DRC4: variants seen among roughly 807,000 people sequenced by gnomAD.
The protein encoded by DRC4 is GAS-11.
At chr16:90,041,068 C>T in the DRC4 span, among the ~76,000 whole-genome samples, 3 of 152,148 alleles carry the variant, frequency 2.0e-5, no homozygotes, top group Non-Finnish European at 4.4e-5. Flanking sequence ...GTGAGGGTCC[C>T]ACTGTTGGGA....
At chr16:90,041,851 T>C in the DRC4 span, among the ~76,000 whole-genome samples, 6 of 152,076 alleles carry the variant, frequency 3.9e-5, no homozygotes, top group Non-Finnish European at 8.8e-5. Context: ...TTAAGCAATA[T>C]GTAGGTGGTG....
At chr16:90,037,791 G>A in the DRC4 span, 2 of 1,614,078 alleles carry the variant, frequency 1.2e-6, no homozygotes, top group East Asian at 2.2e-5. Flanking sequence ...AAGTCAGGGA[G>A]AAAGAGCTGA....
At chr16:90,020,171 A>AT in the DRC4 span, 1 of 522,622 alleles carries the variant, frequency 1.9e-6, no homozygotes, top group African/African-American at 2.0e-5. Flanking sequence ...GTACTTCAAT[A>AT]TTTATCTCTC....
chr16:90,022,724 G>A, the DRC4 span: 1 of 1,418,878 alleles, frequency 7.0e-7, no homozygotes, highest in Non-Finnish European at 9.3e-7. Context: ...CTGGCGTCAT[G>A]GTGAGCAGGG....
the DRC4 span, chr16:90,040,324 T>C: frequency 6.3e-7 from 1 of 1,596,330 alleles, no homozygotes; most frequent in Non-Finnish European, 8.5e-7. Flanking sequence ...GGACGAGCTC[T>C]ATCGGAAGTT....
At chr16:90,022,858 G>T in the DRC4 span, 3 of 893,248 alleles carry the variant, frequency 3.4e-6, no homozygotes, top group Non-Finnish European at 4.5e-6. Flanking sequence ...AGAGCTCGGT[G>T]CTCTTGTGGG....
At chr16:90,040,538 G>T in the DRC4 span, 4 of 1,550,040 alleles carry the variant, frequency 2.6e-6, no homozygotes, top group East Asian at 2.4e-5. Flanking sequence ...CCTGACCCCA[G>T]TGGGCGGCCT....
the DRC4 span, among the ~76,000 whole-genome samples, chr16:90,033,375 A>G: frequency 2.6e-5 from 4 of 152,214 alleles, no homozygotes; most frequent in East Asian, 5.8e-4. Context: ...ATTAAAATTC[A>G]TCTGTGCACC....
At chr16:90,043,680 C>G in the DRC4 span, 1 of 525,324 alleles carries the variant, frequency 1.9e-6, no homozygotes. Context: ...GCTGTGCTGC[C>G]TGTCTTCGCG....
At chr16:90,040,333 T>A in the DRC4 span, 1 of 1,599,942 alleles carries the variant, frequency 6.3e-7, no homozygotes, top group Non-Finnish European at 8.5e-7. Flanking sequence ...CTATCGGAAG[T>A]TCACCGCAGC....
chr16:90,033,032 A>G, the DRC4 span: 5 of 1,081,292 alleles, frequency 4.6e-6, no homozygotes, highest in Non-Finnish European at 5.3e-6. Context: ...ATATTTCTGC[A>G]TAAGACTTTC....
chr16:90,021,656 C>T, the DRC4 span, among the ~76,000 whole-genome samples: 1 of 151,826 alleles, frequency 6.6e-6, no homozygotes, highest in African/African-American at 2.4e-5. Context: ...CACTTGAGGC[C>T]AGGAGTTTGA....
chr16:90,043,640 G>A, the DRC4 span: 18 of 575,640 alleles, frequency 3.1e-5, no homozygotes, highest in Admixed American at 6.6e-5. Flanking sequence ...AGAGTGCCCC[G>A]CACTCACCTG....
chr16:90,036,527 A>G, the DRC4 span: 4 of 1,611,010 alleles, frequency 2.5e-6, no homozygotes, highest in East Asian at 4.5e-5. Context: ...CTTCACCGAC[A>G]TTAAGAACTA....
the DRC4 span, among the ~76,000 whole-genome samples, chr16:90,041,703 G>A: frequency 1.3e-5 from 2 of 152,042 alleles, no homozygotes; most frequent in South Asian, 2.1e-4. Context: ...GGGAGGCTGA[G>A]GCAGAGAATT....
chr16:90,031,537 A>G, the DRC4 span: 1 of 1,524,222 alleles, frequency 6.6e-7, no homozygotes, highest in South Asian at 1.2e-5. Context: ...TGGTCACCAC[A>G]GAGCCCCAGA....
chr16:90,027,483 G>A, the DRC4 span, among the ~76,000 whole-genome samples: 2 of 152,170 alleles, frequency 1.3e-5, no homozygotes, highest in Admixed American at 1.3e-4. Flanking sequence ...TGTGGTAAAG[G>A]GTGGGAACAC....
chr16:90,037,474 G>A, the DRC4 span: 2 of 1,497,428 alleles, frequency 1.3e-6, no homozygotes, highest in South Asian at 1.3e-5. Flanking sequence ...GCATCACAGG[G>A]AGGGGCTTGG....
the DRC4 span, chr16:90,040,050 T>C: frequency 3.7e-6 from 2 of 540,406 alleles, no homozygotes; most frequent in Admixed American, 6.2e-5. Context: ...CACTTATGGC[T>C]TCCAGAGACA....
Sources: allele counts gnomAD v4.1 joint callset (sites outside exome capture counted in the v4.1 genomes callset), GRCh38; gene constraint gnomAD v4.1.1; transcripts MANE v1.5; gene names NCBI Gene and HGNC (gene_info 2026-07-23, HGNC 2026-07-21).